The following FHIT variants were observed in gnomAD, a reference collection of about 807,000 sequenced individuals.
The protein encoded by FHIT is bis(5'-adenosyl)-triphosphatase.
In FHIT, 19 loss-of-function variants were observed where a neutral mutation model predicts 17.9. That is an observed-to-expected ratio of 1.06 (90% confidence interval 0.74 to 1.56). FHIT has a LOEUF of 1.56. Ranked by LOEUF, FHIT falls within the 40% of genes most tolerant of loss-of-function variation. FHIT has a pLI of 0.00. For missense variants in FHIT, 248 were observed against 189.2 expected, an observed-to-expected ratio of 1.31 and a Z score of -1.82; for synonymous variants, 81 against 69.7, an observed-to-expected ratio of 1.16 and a Z score of -0.81.
At chr3:60,999,310 C>T (rs377119022) in intron 3 of FHIT, among the ~76,000 whole-genome samples, 1 of 151,978 alleles carries the variant, frequency 6.6e-6, no homozygotes, top group African/African-American at 2.4e-5. Context: ...TCTACAAAAC[C>T]AGCTGTGTTT....
intron 8 of FHIT, among the ~76,000 whole-genome samples, chr3:59,824,966 T>A (rs1348929246): frequency 1.3e-5 from 2 of 152,200 alleles, no homozygotes; most frequent in African/African-American, 4.8e-5. Flanking sequence ...CTGTTAGGAT[T>A]CTCCAGCTAC....
intron 5 of FHIT, among the ~76,000 whole-genome samples, chr3:60,508,008 G>C (rs2034803766): frequency 6.6e-6 from 1 of 152,134 alleles, no homozygotes; most frequent in Admixed American, 6.5e-5. Context: ...CTTTATAGCA[G>C]AATGACAAAG....
intron 2 of FHIT, among the ~76,000 whole-genome samples, chr3:61,128,886 G>A (rs781774514): frequency 9.7e-4 from 147 of 152,016 alleles, no homozygotes; most frequent in Admixed American, 9.8e-4. Flanking sequence ...AGGTTCACTG[G>A]CATACATAAG....
intron 5 of FHIT, among the ~76,000 whole-genome samples, chr3:60,301,323 G>A (rs574027590): frequency 2.0e-5 from 3 of 152,232 alleles, no homozygotes; most frequent in South Asian, 2.1e-4. Context: ...CCTTATGTAC[G>A]TATTACTAAA....
At position 61,122,886 on chromosome 3, in the gene FHIT, T is replaced by A. The variant is rs937022585; in HGVS notation, c.-164+77731A>T. Among the ~76,000 whole-genome samples the A allele has an allele frequency of 5.3e-5, 8 of 152,268 alleles. No individual in the cohort carries two copies. In the East Asian group the frequency reaches 1.5e-3, roughly 29 times the overall value. ...TGGAGAGGATGTGGAGAAATAGGAATGCTTTTACACTGTTCGTGGGAGTGT... is the reference window on the plus strand; with the variant it reads ...TGGAGAGGATGTGGAGAAATAGGAAAGCTTTTACACTGTTCGTGGGAGTGT... On this transcript the variant is annotated intron_variant, in intron 2 of 9. Coordinates refer to ENST00000492590, the MANE Select transcript of FHIT (RefSeq NM_002012.4).
chr3:59,846,710 A>G (rs760162942), intron 8 of FHIT, among the ~76,000 whole-genome samples: 2 of 152,122 alleles, frequency 1.3e-5, no homozygotes, highest in Non-Finnish European at 2.9e-5. Context: ...GTCTAGCATC[A>G]CCTCATTTTA....
intron 5 of FHIT, among the ~76,000 whole-genome samples, chr3:60,477,168 G>A (rs1304355736): frequency 1.3e-5 from 2 of 151,602 alleles, no homozygotes; most frequent in Non-Finnish European, 2.9e-5. Flanking sequence ...TGAGGAAGGA[G>A]GAACAATTTT....
intron 5 of FHIT, among the ~76,000 whole-genome samples, chr3:60,018,029 G>C (rs567684469): frequency 6.6e-6 from 1 of 152,248 alleles, no homozygotes; most frequent in African/African-American, 2.4e-5. Context: ...CCTGAAGCTG[G>C]GTCGTTTACA....
At chr3:61,129,141 A>C (rs1415207522) in intron 2 of FHIT, among the ~76,000 whole-genome samples, 1 of 152,230 alleles carries the variant, frequency 6.6e-6, no homozygotes, top group Non-Finnish European at 1.5e-5. Context: ...CCACAATCAA[A>C]GTATTAACTT....
At chr3:60,516,347 T>G (rs939367691) in intron 5 of FHIT, among the ~76,000 whole-genome samples, 1 of 152,230 alleles carries the variant, frequency 6.6e-6, no homozygotes, top group African/African-American at 2.4e-5. Context: ...TAGAAGATAA[T>G]TGCATCCTTA....
chr3:61,064,300 A>G (rs1184437822), intron 2 of FHIT, among the ~76,000 whole-genome samples: 1 of 152,138 alleles, frequency 6.6e-6, no homozygotes, highest in Non-Finnish European at 1.5e-5. Context: ...GTTGAATGCT[A>G]ATCCAGGACA....
intron 5 of FHIT, among the ~76,000 whole-genome samples, chr3:60,019,193 G>A (rs532747795): frequency 1.1e-3 from 174 of 152,170 alleles, no homozygotes; most frequent in African/African-American, 4.0e-3. Flanking sequence ...TTTGCTTAAG[G>A]CTTACATTGT....
At chr3:59,945,706 T>C (rs1487890714) in intron 7 of FHIT, among the ~76,000 whole-genome samples, 1 of 152,214 alleles carries the variant, frequency 6.6e-6, no homozygotes, top group Non-Finnish European at 1.5e-5. Flanking sequence ...TTGAGTTTAT[T>C]TTTGCATACA....
intron 5 of FHIT, among the ~76,000 whole-genome samples, chr3:60,415,239 A>G (rs1187180259): frequency 6.6e-6 from 1 of 152,218 alleles, no homozygotes; most frequent in Non-Finnish European, 1.5e-5. Context: ...ACTTCTTAAA[A>G]GTACTCCCTT....
intron 3 of FHIT, among the ~76,000 whole-genome samples, chr3:60,969,917 T>C (rs949296311): frequency 2.0e-5 from 3 of 152,154 alleles, no homozygotes; most frequent in South Asian, 2.1e-4. Flanking sequence ...CAGGCTGGAG[T>C]GCAGTGGCAT....
At chr3:60,709,802 T>G (rs2041470496) in intron 4 of FHIT, among the ~76,000 whole-genome samples, 1 of 152,222 alleles carries the variant, frequency 6.6e-6, no homozygotes, top group African/African-American at 2.4e-5. Flanking sequence ...GCTTGAATTT[T>G]ATCACTATCA....
chr3:60,600,992 A>C (rs571843311), intron 4 of FHIT, among the ~76,000 whole-genome samples: 1 of 152,060 alleles, frequency 6.6e-6, no homozygotes, highest in African/African-American at 2.4e-5. Flanking sequence ...ATGTTTCTCC[A>C]TTCAAGGACA....
At chr3:59,870,865 G>GTT (rs66471610) in intron 8 of FHIT, among the ~76,000 whole-genome samples, 2,063 of 99,400 alleles carry the variant, frequency 0.021, 57 homozygotes, top group African/African-American at 0.052. Flanking sequence ...GCGTGTGTGT[G>GTT]TGTGTGTGCG....
chr3:60,873,008 GC>G (rs1553755366), intron 3 of FHIT, among the ~76,000 whole-genome samples: 1 of 152,040 alleles, frequency 6.6e-6, no homozygotes, highest in Non-Finnish European at 1.5e-5. Flanking sequence ...TATAACTCTT[GC>G]GTTCTTAGAT....
Sources: allele counts gnomAD v4.1 joint callset (sites outside exome capture counted in the v4.1 genomes callset), GRCh38; gene constraint gnomAD v4.1.1; transcripts MANE v1.5; gene names NCBI Gene and HGNC (gene_info 2026-07-23, HGNC 2026-07-21).